The following DLC1 variants were observed in gnomAD, a reference collection of about 807,000 sequenced individuals.
DLC1 encodes DLC1 Rho GTPase activating protein.
DLC1 carries 54 observed loss-of-function variants against 140.3 expected under a neutral mutation model. That is an observed-to-expected ratio of 0.38 (90% CI 0.31 to 0.48). The LOEUF is 0.48. DLC1 is among the 20% of genes least tolerant of loss of function. The pLI is 0.96. For missense variants in DLC1, 2,536 were observed against 1,907.0 expected, an observed-to-expected ratio of 1.33 and a Z score of -6.14; for synonymous variants, 986 against 728.1, an observed-to-expected ratio of 1.35 and a Z score of -5.70.
chr8:13,405,251 G>A (rs978570934), intron 2 of DLC1, among the ~76,000 whole-genome samples: 2 of 152,106 alleles, frequency 1.3e-5, no homozygotes, highest in Non-Finnish European at 2.9e-5. Context: ...CCCAGGTAGT[G>A]AGCATAATAC....
At chr8:13,365,309 C>T (rs1157794004) in intron 4 of DLC1, among the ~76,000 whole-genome samples, 1 of 152,144 alleles carries the variant, frequency 6.6e-6, no homozygotes, top group Non-Finnish European at 1.5e-5. Flanking sequence ...GTCCACAGGG[C>T]TTACTATTAT....
chr8:13,586,013 A>G lies in DLC1; in HGVS notation c.-126+18524T>C, dbSNP rs143082672. On this transcript the variant is annotated intron_variant, in intron 1 of 1. Transcript: ENST00000631382. Reference sequence around the variant, plus strand: ...AATCATTGTAGAGTTATAGCTGAAAATAGACATTCAAGGGAATGATTCTCA... The same window carrying G: ...AATCATTGTAGAGTTATAGCTGAAAGTAGACATTCAAGGGAATGATTCTCA... 1.5e-4 allele frequency among the ~76,000 whole-genome samples: 23 copies of G among 152,302 alleles called. No individual in the cohort carries two copies. In the East Asian group the frequency reaches 1.9e-3, roughly 13 times the overall value.
intron 2 of DLC1, among the ~76,000 whole-genome samples, chr8:13,413,808 C>A (rs1452064074): frequency 6.6e-6 from 1 of 152,098 alleles, no homozygotes; most frequent in African/African-American, 2.4e-5. Context: ...GGCCTCCCAG[C>A]CATGCGGAAC....
chr8:13,389,625 T>C (rs1188223952), intron 4 of DLC1, among the ~76,000 whole-genome samples: 1 of 152,176 alleles, frequency 6.6e-6, no homozygotes, highest in Non-Finnish European at 1.5e-5. Flanking sequence ...CAGCATGATC[T>C]ACACATAGAA....
chr8:13,286,180 A>G (rs1399519161), intron 5 of DLC1, among the ~76,000 whole-genome samples: 2 of 152,182 alleles, frequency 1.3e-5, no homozygotes, highest in East Asian at 1.9e-4. Context: ...TCAAAATCTG[A>G]TATCAGGAAA....
At chr8:13,350,191 A>T (rs1031183605) in intron 4 of DLC1, among the ~76,000 whole-genome samples, 3 of 152,172 alleles carry the variant, frequency 2.0e-5, no homozygotes, top group Admixed American at 1.3e-4. Context: ...TTCTTACAAA[A>T]TATATTTCCT....
chr8:13,187,275 A>G (rs1356847543), intron 5 of DLC1, among the ~76,000 whole-genome samples: 1 of 152,152 alleles, frequency 6.6e-6, no homozygotes, highest in Admixed American at 6.5e-5. Context: ...CAGACATTTG[A>G]TCTGCTTTAG....
chr8:13,205,545 T>C (rs919281593), intron 5 of DLC1, among the ~76,000 whole-genome samples: 14 of 152,114 alleles, frequency 9.2e-5, no homozygotes, highest in Middle Eastern at 3.2e-3. Flanking sequence ...CTGGGCCACA[T>C]TGGAAGAAGA....
intron 5 of DLC1, among the ~76,000 whole-genome samples, chr8:13,273,753 A>G (rs1831049838): frequency 7.1e-6 from 1 of 140,246 alleles, no homozygotes; most frequent in African/African-American, 2.7e-5. Context: ...GGAGGGAGGG[A>G]GACAGGGAGG....
chr8:13,445,632 T>C (rs1006135806), intron 2 of DLC1, among the ~76,000 whole-genome samples: 2 of 152,208 alleles, frequency 1.3e-5, no homozygotes, highest in African/African-American at 2.4e-5. Flanking sequence ...TTAGTATCTA[T>C]GACAGACCAG....
intron 4 of DLC1, among the ~76,000 whole-genome samples, chr8:13,371,676 C>T (rs372592915): frequency 4.0e-5 from 6 of 151,790 alleles, no homozygotes; most frequent in Non-Finnish European, 4.4e-5. Flanking sequence ...ATTTTTTGAG[C>T]ACCCATTGTG....
chr8:13,582,046 G>C (rs964853285), intron 1 of DLC1, among the ~76,000 whole-genome samples: 3 of 152,016 alleles, frequency 2.0e-5, no homozygotes, highest in Non-Finnish European at 4.4e-5. Context: ...GCAAGAGAAG[G>C]GATTGGAGAA....
At chr8:13,117,955 G>T (rs891274345) in intron 5 of DLC1, among the ~76,000 whole-genome samples, 1 of 150,184 alleles carries the variant, frequency 6.7e-6, no homozygotes, top group Non-Finnish European at 1.5e-5. Flanking sequence ...AAGGTCCCAT[G>T]TGATTTCAGC....
At chr8:13,120,969 A>G (rs1821009630) in intron 5 of DLC1, among the ~76,000 whole-genome samples, 1 of 152,212 alleles carries the variant, frequency 6.6e-6, no homozygotes, top group Non-Finnish European at 1.5e-5. Context: ...GGTCTAAACA[A>G]GATATGATTA....
intron 2 of DLC1, among the ~76,000 whole-genome samples, chr8:13,497,604 G>C (rs190385784): frequency 3.3e-5 from 5 of 152,310 alleles, no homozygotes; most frequent in Non-Finnish European, 5.9e-5. Flanking sequence ...TTCAAGTGGT[G>C]AGTATATGTT....
intron 2 of DLC1, among the ~76,000 whole-genome samples, chr8:13,440,029 CG>C (rs1376282581): frequency 1.3e-5 from 2 of 151,972 alleles, no homozygotes; most frequent in Non-Finnish European, 2.9e-5. Flanking sequence ...ATCTGTGAGA[CG>C]GTAATAGGTA....
At chr8:13,532,019 C>T (rs1023205961) in intron 1 of DLC1, among the ~76,000 whole-genome samples, 2 of 152,194 alleles carry the variant, frequency 1.3e-5, no homozygotes, top group African/African-American at 2.4e-5. Context: ...AGGCAGAAGC[C>T]TAAGTCTAGC....
At chr8:13,383,432 G>A (rs1253917342) in intron 4 of DLC1, among the ~76,000 whole-genome samples, 6 of 152,150 alleles carry the variant, frequency 3.9e-5, no homozygotes, top group Non-Finnish European at 5.9e-5. Flanking sequence ...GACCTGCAGC[G>A]TCTCATCTGC....
intron 5 of DLC1, among the ~76,000 whole-genome samples, chr8:13,155,012 C>A (rs546773757): frequency 7.9e-5 from 12 of 152,168 alleles, no homozygotes; most frequent in African/African-American, 2.4e-4. Context: ...TCATTCAAAT[C>A]ATTTTCTATG....
Sources: gnomAD v4.1 joint callset for allele counts (sites outside exome capture counted in the v4.1 genomes callset) on GRCh38, gnomAD v4.1.1 for gene constraint, MANE v1.5 for transcripts, NCBI Gene and HGNC (gene_info 2026-07-23, HGNC 2026-07-21) for gene names.